Variants in ATP6V0C observed in about 807,000 individuals in gnomAD.
ATP6V0C encodes V-type proton ATPase 16 kDa proteolipid subunit c.
ATP6V0C carries 2 observed loss-of-function variants against 10.6 expected under a neutral mutation model. The observed-to-expected ratio is 0.19, with a 90% CI of 0.08 to 0.59. The LOEUF is 0.59. Among genes scored for constraint, ATP6V0C ranks in the 20% least tolerant of loss-of-function variants. ATP6V0C has a pLI of 0.90. For synonymous variants in ATP6V0C, 128 were observed against 101.3 expected (o/e 1.26, Z -1.59); for missense variants, 89 against 225.9 (o/e 0.39, Z 3.88).
At position 2,514,063 on chromosome 16, in the gene ATP6V0C, C is replaced by T. The variant is rs371470308; in HGVS notation, c.-41C>T. Reference sequence around the variant, plus strand: ...CCGTCCTCGCCCCCGCCTCCGCCACCGCCTCGGCCCGCAGAGCTTGCCCCC... The same window carrying T: ...CCGTCCTCGCCCCCGCCTCCGCCACTGCCTCGGCCCGCAGAGCTTGCCCCC... On this transcript the variant is annotated 5_prime_UTR_variant, in exon 1 of 3. Transcript: ENST00000330398. The T allele has an allele frequency of 3.3e-6, 5 of 1,529,458 alleles. No individual in the cohort carries two copies. The highest frequency in any genetic ancestry group is 4.4e-6 in the Non-Finnish European group (5 of 1,135,186). The allele number at this position is 1,529,458 out of a possible 1,614,324, so 94.7% of individuals were successfully genotyped here. A position where few individuals can be genotyped will look rare whatever the true frequency, so the allele number is the denominator to read the frequency against.
intron 2 of ATP6V0C, 56 bp from the exon 3 acceptor site, chr16:2,519,485 C>T (rs977944190): frequency 7.1e-6 from 11 of 1,547,798 alleles, no homozygotes; most frequent in Non-Finnish European, 6.1e-6. Flanking sequence ...GACCCGGACC[C>T]TTGTCTCCCC....
Position 2,514,089 on chromosome 16 carries a change from TC to T in ATP6V0C, c.-11del. 1.9e-6 allele frequency: 3 copies of T among 1,564,480 alleles called. No individual in the cohort carries two copies. The highest frequency in any genetic ancestry group is 1.2e-5 in the South Asian group (1 of 85,324). On this transcript the variant is annotated 5_prime_UTR_variant, in exon 1 of 3. Transcript: ENST00000330398. ...GCCTCGGCCCGCAGAGCTTGCCCCCTCCCCACCCGCAGACATGTCCGAGTCC... is the reference window on the plus strand; with the variant it reads ...GCCTCGGCCCGCAGAGCTTGCCCCCTCCCACCCGCAGACATGTCCGAGTCC...
Position 2,514,019 on chromosome 16 carries a change from G to A in ATP6V0C, c.-85G>A, listed in dbSNP as rs963417701. On this transcript the variant is annotated 5_prime_UTR_variant, in exon 1 of 3. Transcript: ENST00000330398. ...GGATCGCCTTCGCCGCCGCCCGCCCGCAAACCTTCGTGCCCGGCCCGTCCT... is the reference window on the plus strand; with the variant it reads ...GGATCGCCTTCGCCGCCGCCCGCCCACAAACCTTCGTGCCCGGCCCGTCCT... The A allele has an allele frequency of 4.3e-5, 56 of 1,307,776 alleles. 1 individual carries two copies. Among genetic ancestry groups the A allele is most frequent in the Admixed American group, 3.6e-4 (15 of 41,304 alleles). 81.0% of individuals were successfully genotyped at this position (1,307,776 alleles called of 1,614,324 possible).
chr16:2,519,175 G>T, intron 1 of ATP6V0C, 43 bp from the exon 2 acceptor site: 1 of 1,559,684 alleles, frequency 6.4e-7, no homozygotes, highest in South Asian at 1.2e-5. Context: ...AGTCTCAACT[G>T]GCCTGCGTAC....
chr16:2,519,580 G>T lies in ATP6V0C; in HGVS notation c.303G>T (p.Leu101=), dbSNP rs201431472. Reference sequence around the variant, plus strand: ...TGGGCGCCGGCCTGAGCGTGGGCCTGAGCGGCCTGGCAGCCGGCTTTGCCA... The same window carrying T: ...TGGGCGCCGGCCTGAGCGTGGGCCTTAGCGGCCTGGCAGCCGGCTTTGCCA... ...LQLGAGLSVG[L]SGLAAGFAIG... Residue 101 remains leucine, a synonymous_variant, in exon 3 of 3, where the codon CTG becomes CTT. Coordinates refer to ENST00000330398, the MANE Select transcript of ATP6V0C (RefSeq NM_001694.4). 2,368 of 1,580,610 alleles carry T rather than the reference G, an allele frequency of 1.5e-3. 2 individuals carry two copies. Among genetic ancestry groups the T allele is most frequent in the Non-Finnish European group, 1.8e-3 (2,040 of 1,159,168 alleles).
chr16:2,517,746 T>C (rs1312735070), intron 1 of ATP6V0C: 1 of 152,904 alleles, frequency 6.5e-6, no homozygotes, highest in Non-Finnish European at 1.4e-5. Context: ...TGTGTGTGTG[T>C]GTGTGTGTCT....
intron 1 of ATP6V0C, among the ~76,000 whole-genome samples, chr16:2,518,267 A>G (rs2065886813): frequency 6.6e-6 from 1 of 152,222 alleles, no homozygotes; most frequent in African/African-American, 2.4e-5. Context: ...CTCCACTTTG[A>G]GAATAGGGCC....
At chr16:2,519,471 T>C (rs1458146385) in intron 2 of ATP6V0C, 70 bp downstream of exon 2, 1 of 1,558,918 alleles carries the variant, frequency 6.4e-7, no homozygotes, top group Non-Finnish European at 8.7e-7. Context: ...CACCTGTGGG[T>C]GGTGACCCGG....
chr16:2,513,862 T>G, upstream of ATP6V0C: 1 of 344,224 alleles, frequency 2.9e-6, no homozygotes. Flanking sequence ...CGGCCGGGCG[T>G]CCCGGGGACG....
intron 1 of ATP6V0C, chr16:2,518,947 C>A: frequency 2.2e-6 from 1 of 451,018 alleles, no homozygotes; most frequent in Non-Finnish European, 4.0e-6. Context: ...TGGGTCACGC[C>A]GCCCCAAGAG....
chr16:2,517,184 GC>G (rs1407563491), intron 1 of ATP6V0C: 5 of 152,394 alleles, frequency 3.3e-5, no homozygotes, highest in Non-Finnish European at 5.9e-5. Flanking sequence ...CACTGTAATT[GC>G]TCTATATGCT....
intron 1 of ATP6V0C, among the ~76,000 whole-genome samples, chr16:2,515,362 G>C (rs1394942051): frequency 6.6e-6 from 1 of 152,236 alleles, no homozygotes; most frequent in East Asian, 1.9e-4. Context: ...CCTGCCTGGT[G>C]GCCTGGGGAG....
intron 1 of ATP6V0C, among the ~76,000 whole-genome samples, chr16:2,518,501 C>T (rs893007113): frequency 4.6e-5 from 7 of 152,192 alleles, no homozygotes; most frequent in African/African-American, 7.2e-5. Flanking sequence ...TGATGATCCC[C>T]GTCGTCTTCT....
In ATP6V0C at chr16:2,520,074, G is replaced by A. The variant is rs1279251519; in HGVS notation, c.*329G>A. 4 of 623,016 alleles carry A rather than the reference G, an allele frequency of 6.4e-6. No individual in the cohort carries two copies. The highest frequency in any genetic ancestry group is 3.3e-5 in the East Asian group (1 of 30,286). 38.6% of individuals were successfully genotyped at this position (623,016 alleles called of 1,614,324 possible). Reference sequence around the variant, plus strand: ...TGGCCTGTTCCTGCGTCTGCGGAGCGGCCCTTGTCTCCCAGCTATCTATAA... The same window carrying A: ...TGGCCTGTTCCTGCGTCTGCGGAGCAGCCCTTGTCTCCCAGCTATCTATAA... On this transcript the variant is annotated 3_prime_UTR_variant, in exon 3 of 3. Coordinates refer to ENST00000330398, the MANE Select transcript of ATP6V0C (RefSeq NM_001694.4).
chr16:2,518,526 T>C (rs2065888702), intron 1 of ATP6V0C, among the ~76,000 whole-genome samples: 1 of 152,248 alleles, frequency 6.6e-6, no homozygotes, highest in Non-Finnish European at 1.5e-5. Flanking sequence ...CCCCATCCTC[T>C]TCTTGGCTCA....
intron 1 of ATP6V0C, among the ~76,000 whole-genome samples, chr16:2,515,485 C>T (rs956564771): frequency 5.3e-5 from 8 of 152,120 alleles, no homozygotes; most frequent in Non-Finnish European, 8.8e-5. Context: ...CTCCTTCTGC[C>T]TGGGCCTGTC....
intron 1 of ATP6V0C, chr16:2,518,091 C>T (rs1253420317): frequency 1.3e-5 from 2 of 152,406 alleles, no homozygotes; most frequent in African/African-American, 2.4e-5. Flanking sequence ...TTGATCTGCT[C>T]CCCTAAAAGA....
rs146819964 is a variant in ATP6V0C, at chr16:2,519,703, C to G, written c.426C>G (p.Gly142=). The G allele has an allele frequency of 6.2e-7, 1 of 1,611,252 alleles. No homozygotes were observed. The highest frequency in any genetic ancestry group is 8.5e-7 in the Non-Finnish European group (1 of 1,177,842). Residue 142 remains glycine, a synonymous_variant, in exon 3 of 3, where the codon GGC becomes GGG. Coordinates refer to ENST00000330398, the MANE Select transcript of ATP6V0C (RefSeq NM_001694.4). ...TTCTCATCTTCGCCGAGGTGCTCGG[C>G]CTCTACGGTCTCATCGTCGCCCTCA... is the stretch of plus-strand genomic sequence containing the variant. ...ILILIFAEVL[G]LYGLIVALIL...
Position 2,519,464 on chromosome 16 carries a change from C to T in ATP6V0C, c.263+63C>T. ...GACTGCAGGGAGGGGGGCGGTTCAC[C>T]TGTGGGTGGTGACCCGGACCCTTGT... On this transcript the variant is annotated intron_variant, in intron 2 of 2. Transcript: ENST00000330398. The T allele has an allele frequency of 4.5e-6, 7 of 1,563,318 alleles. No individual in the cohort carries two copies. The South Asian group carries it at 7.1e-5, about 16-fold the overall frequency.
Sources: allele counts gnomAD v4.1 joint callset (sites outside exome capture counted in the v4.1 genomes callset), GRCh38; gene constraint gnomAD v4.1.1; transcripts MANE v1.5; gene names NCBI Gene and HGNC (gene_info 2026-07-23, HGNC 2026-07-21).